The following PTPRN2 variants were observed in gnomAD, a reference collection of about 807,000 sequenced individuals.
The protein encoded by PTPRN2 is protein tyrosine phosphatase receptor type N2, also known as receptor-type tyrosine-protein phosphatase N2.
A neutral mutation model predicts 118.8 loss-of-function variants in PTPRN2; 74 were observed. The ratio of observed to expected loss-of-function variants is 0.62; its 90% CI spans 0.52 to 0.76. PTPRN2 has a LOEUF of 0.76. PTPRN2 is among the 30% of genes least tolerant of loss of function. The pLI, the probability that PTPRN2 is intolerant of heterozygous loss-of-function variation, is 0.00. For synonymous variants in PTPRN2, 641 were observed against 608.0 expected (o/e 1.05, Z -0.80); for missense variants, 1,481 against 1,394.4 (o/e 1.06, Z -0.99).
intron 12 of PTPRN2, among the ~76,000 whole-genome samples, chr7:157,841,799 G>T (rs1341475781): frequency 1.3e-5 from 2 of 152,194 alleles, no homozygotes; most frequent in Admixed American, 1.3e-4. Flanking sequence ...AGCGTTCGGG[G>T]TGCTGGGGAC....
intron 2 of PTPRN2, among the ~76,000 whole-genome samples, chr7:158,337,458 A>T (rs6956246): frequency 3.3e-5 from 2 of 60,830 alleles, no homozygotes; most frequent in African/African-American, 1.2e-4. Flanking sequence ...ACGTCACTCA[A>T]ACCCACACTC....
intron 12 of PTPRN2, among the ~76,000 whole-genome samples, chr7:157,728,743 A>G (rs1056762653): frequency 6.6e-6 from 1 of 152,210 alleles, no homozygotes; most frequent in Non-Finnish European, 1.5e-5. Context: ...AAGGATTTGC[A>G]TAAATTGCTT....
At chr7:158,477,935 C>G (rs1356986542) in intron 2 of PTPRN2, among the ~76,000 whole-genome samples, 1 of 152,218 alleles carries the variant, frequency 6.6e-6, no homozygotes, top group Non-Finnish European at 1.5e-5. Flanking sequence ...ACAACTCTGC[C>G]TCCACACATC....
chr7:158,368,284 C>T (rs1346948473), intron 2 of PTPRN2, among the ~76,000 whole-genome samples: 1 of 152,212 alleles, frequency 6.6e-6, no homozygotes, highest in Non-Finnish European at 1.5e-5. Context: ...GACCCTGTAA[C>T]AGCTGCCACA....
intron 11 of PTPRN2, among the ~76,000 whole-genome samples, chr7:158,040,881 C>A (rs1015181410): frequency 3.3e-5 from 5 of 152,046 alleles, no homozygotes; most frequent in African/African-American, 1.2e-4. Flanking sequence ...TACAGGCATG[C>A]ACCACCACAC....
chr7:158,341,510 C>G (rs1204466824), intron 2 of PTPRN2, among the ~76,000 whole-genome samples: 1 of 126,194 alleles, frequency 7.9e-6, no homozygotes, highest in Non-Finnish European at 1.8e-5. Context: ...GTGCAGACGT[C>G]ACTCACACCC....
chr7:158,294,831 CTG>C (rs1800356702), intron 3 of PTPRN2, among the ~76,000 whole-genome samples: 11 of 146,886 alleles, frequency 7.5e-5, no homozygotes, highest in African/African-American at 2.0e-4. Context: ...TGCCCAGACA[CTG>C]CACCACATCG....
In PTPRN2 at chr7:158,555,302, G is replaced by T. The variant is rs781433494; in HGVS notation, c.112+32256C>A. Reference sequence around the variant, plus strand: ...GAGGTTGGGGCTTATGCCTTAGGGCGCCAGTCAGGTCCTTCCAGGAGAAGG... The same window carrying T: ...GAGGTTGGGGCTTATGCCTTAGGGCTCCAGTCAGGTCCTTCCAGGAGAAGG... On this transcript the variant is annotated intron_variant, in intron 1 of 22. Coordinates refer to ENST00000389418, the MANE Select transcript of PTPRN2 (RefSeq NM_002847.5). This position sits in a 1 kb window ranked among gnomAD's most constrained non-coding sequence, Gnocchi z 4.7. Among the ~76,000 whole-genome samples, 1 of 152,196 alleles carries T rather than the reference G, an allele frequency of 6.6e-6. No individual in the cohort carries two copies. The highest frequency in any genetic ancestry group is 2.4e-5 in the African/African-American group (1 of 41,446).
At position 158,188,448 on chromosome 7, in the gene PTPRN2, C is replaced by CT. The variant is rs35032230; in HGVS notation, c.549+3878_549+3879insA. 1.8e-3 allele frequency among the ~76,000 whole-genome samples: 8 copies of CT among 4,448 alleles called. 3 individuals carry two copies. The highest frequency in any genetic ancestry group is 0.016 in the African/African-American group (4 of 252). The allele number at this position is 4,448 out of a possible 152,430, so 2.9% of individuals were successfully genotyped here. A position where few individuals can be genotyped will look rare whatever the true frequency, so the allele number is the denominator to read the frequency against. On this transcript the variant is annotated intron_variant, in intron 5 of 22. Transcript: ENST00000389418. ...TGGGGAAGGCCGCCACGCTCGCCCC[C>CT]GATGGGGAAGGCCGCCACGCTCGCC...
chr7:157,566,597 A>T (rs221293), intron 21 of PTPRN2, among the ~76,000 whole-genome samples: 2 of 152,150 alleles, frequency 1.3e-5, no homozygotes, highest in South Asian at 2.1e-4. Flanking sequence ...CACCAATCTC[A>T]GAAAAGGCCC....
intron 2 of PTPRN2, among the ~76,000 whole-genome samples, chr7:158,422,518 A>C (rs1019075018): frequency 2.0e-5 from 3 of 152,266 alleles, no homozygotes; most frequent in Admixed American, 1.3e-4. Flanking sequence ...AAAGGAAGAT[A>C]GAAAGAAGGA....
chr7:158,585,049 C>T (rs867656401), intron 1 of PTPRN2, among the ~76,000 whole-genome samples: 5 of 152,182 alleles, frequency 3.3e-5, no homozygotes, highest in African/African-American at 1.2e-4. Flanking sequence ...ACAGCTGGGC[C>T]GGATTTAAGG....
chr7:158,327,294 T>A (rs947251203), intron 2 of PTPRN2, among the ~76,000 whole-genome samples: 1 of 134,210 alleles, frequency 7.5e-6, no homozygotes, highest in Non-Finnish European at 1.7e-5. Context: ...CTCACACATG[T>A]ACACATTCTC....
At chr7:158,357,338 C>G (rs536552715) in intron 2 of PTPRN2, among the ~76,000 whole-genome samples, 1 of 152,248 alleles carries the variant, frequency 6.6e-6, no homozygotes, top group African/African-American at 2.4e-5. Context: ...CTGTCGTTGA[C>G]GCCCTGTGGC....
chr7:158,512,699 T>C (rs1485349864), intron 1 of PTPRN2, among the ~76,000 whole-genome samples: 4 of 152,104 alleles, frequency 2.6e-5, no homozygotes, highest in African/African-American at 7.2e-5. Flanking sequence ...CTGGGACTGC[T>C]TGGAGAAATG....
chr7:157,800,951 C>A (rs1805241809), intron 12 of PTPRN2, among the ~76,000 whole-genome samples: 1 of 148,456 alleles, frequency 6.7e-6, no homozygotes, highest in African/African-American at 2.5e-5. Context: ...GACTCCGTTT[C>A]AAAAAAAATA....
intron 3 of PTPRN2, among the ~76,000 whole-genome samples, chr7:158,295,821 G>A (rs957229904): frequency 7.9e-5 from 12 of 152,346 alleles, no homozygotes; most frequent in Non-Finnish European, 1.3e-4. Context: ...CACGGCGCCC[G>A]CTGACCCTGC....
intron 5 of PTPRN2, among the ~76,000 whole-genome samples, chr7:158,168,812 C>T (rs573502904): frequency 6.6e-6 from 1 of 152,284 alleles, no homozygotes; most frequent in South Asian, 2.1e-4. Flanking sequence ...AACCAAGGCC[C>T]AGCTGTCCTC....
chr7:158,474,711 G>A (rs553869024), intron 2 of PTPRN2, among the ~76,000 whole-genome samples: 1 of 152,252 alleles, frequency 6.6e-6, no homozygotes, highest in South Asian at 2.1e-4. Context: ...GCTAAGAGGC[G>A]GGTGCCCATC....
Sources: gnomAD v4.1 joint callset for allele counts (sites outside exome capture counted in the v4.1 genomes callset) on GRCh38, gnomAD v4.1.1 for gene constraint, Gnocchi (gnomAD v3.1) non-coding constraint, MANE v1.5 for transcripts, NCBI Gene and HGNC (gene_info 2026-07-23, HGNC 2026-07-21) for gene names.